Variants in RYR1 observed in about 807,000 individuals in gnomAD.
RYR1 encodes the protein ryanodine receptor 1, also known as central core disease of muscle.
A neutral mutation model predicts 583.5 loss-of-function variants in RYR1; 342 were observed. The ratio of observed to expected loss-of-function variants is 0.59; its 90% CI spans 0.54 to 0.64. The LOEUF (loss-of-function observed/expected upper bound fraction) is 0.64. Ranked by LOEUF, RYR1 falls within the 30% of genes least tolerant of loss-of-function variation. The pLI is 0.00. For missense variants in RYR1, 6,032 were observed against 6,917.2 expected (o/e 0.87, Z 4.54); for synonymous variants, 2,791 against 2,822.5 (o/e 0.99, Z 0.35).
intron 1 of RYR1, among the ~76,000 whole-genome samples, chr19:38,439,835 G>A (rs538083202): frequency 9.2e-4 from 140 of 152,264 alleles, no homozygotes; most frequent in Non-Finnish European, 1.4e-3. Context: ...GTACTTCCAG[G>A]ATCCAGCCCG....
intron 37 of RYR1, 122 bp downstream of exon 37, chr19:38,490,854 ATGAATGAATGAGTGAG>A (rs1287301725): frequency 1.4e-6 from 1 of 716,890 alleles, no homozygotes; most frequent in Non-Finnish European, 2.6e-6. Context: ...TATTGGTTGA[ATGAATGAATGAGTGAG>A]TGAATGAATG....
intron 73 of RYR1, 64 bp from the exon 74 acceptor site, chr19:38,528,242 T>C: frequency 7.1e-7 from 1 of 1,405,276 alleles, no homozygotes; most frequent in Non-Finnish European, 1.0e-6. Flanking sequence ...GGCAGTTTCA[T>C]CCAGGGCTGG....
rs1452514361 is a variant in RYR1, at chr19:38,572,586, C to T, written c.13998+316C>T. Among the ~76,000 whole-genome samples, 4 of 152,238 alleles carry T rather than the reference C, an allele frequency of 2.6e-5. No homozygotes were observed. In the South Asian group the frequency reaches 6.2e-4, roughly 24 times the overall value. On this transcript the variant is annotated intron_variant, in intron 95 of 105. Coordinates refer to ENST00000359596, the MANE Select transcript of RYR1 (RefSeq NM_000540.3). ...CTTAAAACTTTCATACATGCTATTC[C>T]CTCTGCCTGCAATACTTTGCCCTGC...
chr19:38,567,821 C>T lies in RYR1; in HGVS notation c.13563C>T (p.Pro4521=), dbSNP rs759397045. 1 of 1,614,148 alleles carries T rather than the reference C, an allele frequency of 6.2e-7. No individual in the cohort carries two copies. Among genetic ancestry groups the T allele is most frequent in the Non-Finnish European group, 8.5e-7 (1 of 1,180,026 alleles). The change falls in exon 93 of 106, where the codon CCC becomes CCT. Residue 4521 remains proline (P), a synonymous_variant. Coordinates refer to ENST00000359596, the MANE Select transcript of RYR1 (RefSeq NM_000540.3). ...AAGTTCCCGAGCCCACACCAGAGCC[C>T]CCCAAGAAGCAAGCACCTCCCTCAC... ...KEEVPEPTPE[P]PKKQAPPSPP... is the part of the protein sequence containing the mutation.
Position 38,440,772 on chromosome 19 carries a change from G to C in RYR1, c.73G>C (p.Ala25Pro), listed in dbSNP as rs778758225. Residue 25 changes from alanine to proline, a missense_variant, in exon 2 of 106, where the codon GCT (alanine) becomes CCT (proline). Physicochemically the swap from Ala to Pro is conservative, Grantham distance 27. Transcript: ENST00000359596. ...CGATGAGGTGGTCCTGCAGTGCAGC[G>C]CTACCGTGCTCAAGGAGCAGCTCAA... ...TDDEVVLQCSATVLKEQLKLC... is the reference protein window; with the variant it reads ...TDDEVVLQCSPTVLKEQLKLC... 5.6e-6 allele frequency: 9 copies of C among 1,608,734 alleles called. No homozygotes were observed. The highest frequency in any genetic ancestry group is 5.1e-6 in the Non-Finnish European group (6 of 1,178,684).
chr19:38,524,285 G>A (rs1400811475), intron 70 of RYR1, among the ~76,000 whole-genome samples: 1 of 131,990 alleles, frequency 7.6e-6, no homozygotes. Context: ...GGCACACGGA[G>A]CATGGTTGGG....
intron 30 of RYR1, 35 bp from the exon 31 acceptor site, chr19:38,478,400 A>C: frequency 6.2e-7 from 1 of 1,609,482 alleles, no homozygotes; most frequent in Non-Finnish European, 8.5e-7. Flanking sequence ...AGCTACTCAC[A>C]TGAGGAGTGC....
At chr19:38,531,089 C>T (rs545051345) in intron 76 of RYR1, among the ~76,000 whole-genome samples, 1 of 151,412 alleles carries the variant, frequency 6.6e-6, no homozygotes, top group South Asian at 2.1e-4. Context: ...CCACCTTAGC[C>T]TCCCAAAGTG....
chr19:38,467,592 G>A lies in RYR1; in HGVS notation c.3179-18G>A. On this transcript the variant is annotated intron_variant, in intron 24 of 105. Coordinates refer to ENST00000359596, the MANE Select transcript of RYR1 (RefSeq NM_000540.3). Reference sequence around the variant, plus strand: ...CATCTTCCCTAGCCTCTCTGACTCTGCCTGGCCTCATTTATAGGTCAGGTG... The same window carrying A: ...CATCTTCCCTAGCCTCTCTGACTCTACCTGGCCTCATTTATAGGTCAGGTG... The A allele has an allele frequency of 6.2e-7, 1 of 1,613,552 alleles. No homozygotes were observed. The highest frequency in any genetic ancestry group is 8.5e-7 in the Non-Finnish European group (1 of 1,179,508).
intron 58 of RYR1, among the ~76,000 whole-genome samples, chr19:38,509,999 T>C (rs997049775): frequency 2.6e-5 from 4 of 152,196 alleles, no homozygotes; most frequent in African/African-American, 9.6e-5. Flanking sequence ...TTTTCCCCAT[T>C]GTCAGCTTCA....
At chr19:38,508,717 G>A (rs981141493) in intron 58 of RYR1, among the ~76,000 whole-genome samples, 1 of 152,182 alleles carries the variant, frequency 6.6e-6, no homozygotes, top group Non-Finnish European at 1.5e-5. Context: ...CAGAGTCATC[G>A]AGGGGGACGG....
intron 31 of RYR1, among the ~76,000 whole-genome samples, chr19:38,482,352 G>A (rs952268702): frequency 6.6e-6 from 1 of 152,130 alleles, no homozygotes; most frequent in East Asian, 1.9e-4. Flanking sequence ...TGGTGTGGGC[G>A]GGACTGCTTC....
chr19:38,577,819 C>G, intron 97 of RYR1, 99 bp from the exon 98 acceptor site: 1 of 1,511,316 alleles, frequency 6.6e-7, no homozygotes, highest in African/African-American at 1.4e-5. Flanking sequence ...CCTCCCATTT[C>G]TCACTCAGAG....
intron 37 of RYR1, among the ~76,000 whole-genome samples, chr19:38,491,377 C>T (rs544285104): frequency 2.2e-4 from 34 of 151,296 alleles, no homozygotes; most frequent in African/African-American, 7.5e-4. Context: ...TCTCATTATG[C>T]ATATATTGGT....
At chr19:38,460,618 T>G in intron 20 of RYR1, 27 bp downstream of exon 20, 1 of 1,595,632 alleles carries the variant, frequency 6.3e-7, no homozygotes, top group Non-Finnish European at 8.5e-7. Flanking sequence ...AAAGGTTTTC[T>G]GGCGAGGCAG....
intron 1 of RYR1, among the ~76,000 whole-genome samples, chr19:38,435,503 G>GGGT (rs2145296696): frequency 6.6e-6 from 1 of 152,296 alleles, no homozygotes; most frequent in South Asian, 2.1e-4. Flanking sequence ...AGGCCAAGGT[G>GGGT]AGCGGATCAC....
rs1481580700 is a variant in RYR1 at position 38,499,073 on chromosome 19, G to A, written c.6892-35G>A. 6.2e-7 allele frequency: 1 copy of A among 1,611,814 alleles called. No individual in the cohort carries two copies. The highest frequency in any genetic ancestry group is 8.5e-7 in the Non-Finnish European group (1 of 1,178,830). ...TGAGCCCCAGGAGGAAGGTGGCATG[G>A]GTCTGGTCTCTGACTGAGCCCCTTC... On this transcript the variant is annotated intron_variant, in intron 42 of 105. Coordinates refer to ENST00000359596, the MANE Select transcript of RYR1 (RefSeq NM_000540.3). The surrounding 1 kb of genome is among the most constrained non-coding windows in gnomAD (Gnocchi z 7.3).
intron 101 of RYR1, among the ~76,000 whole-genome samples, chr19:38,582,954 G>A (rs1208274136): frequency 6.6e-6 from 1 of 152,034 alleles, no homozygotes; most frequent in South Asian, 2.1e-4. Flanking sequence ...ACTTATCTTA[G>A]TTTTTACTCT....
intron 78 of RYR1, 148 bp from the exon 79 acceptor site, chr19:38,534,572 G>A (rs1971881990): frequency 8.3e-6 from 6 of 725,362 alleles, no homozygotes; most frequent in Admixed American, 4.0e-5. Flanking sequence ...CATCGAGGGT[G>A]TGAGCCCCAG....
Sources: allele counts gnomAD v4.1 joint callset (sites outside exome capture counted in the v4.1 genomes callset), GRCh38; gene constraint gnomAD v4.1.1; non-coding constraint Gnocchi (gnomAD v3.1); transcripts MANE v1.5; gene names NCBI Gene and HGNC (gene_info 2026-07-23, HGNC 2026-07-21).